The following PDE4D variants were observed in gnomAD, a reference collection of about 807,000 sequenced individuals.
PDE4D encodes phosphodiesterase 4D, also known as 3',5'-cyclic-AMP phosphodiesterase 4D.
A neutral mutation model predicts 87.4 loss-of-function variants in PDE4D; 24 were observed. The ratio of observed to expected loss-of-function variants is 0.27; its 90% CI spans 0.20 to 0.39. The LOEUF is 0.39. Ranked by LOEUF, PDE4D falls within the 10% of genes least tolerant of loss-of-function variation. The pLI is 1.00. For missense variants in PDE4D, 714 were observed against 1,041.0 expected (o/e 0.69, Z 4.32); for synonymous variants, 384 against 383.2 (o/e 1.00, Z -0.02).
chr5:59,625,416 GC>G (rs1251396829), intron 1 of PDE4D, among the ~76,000 whole-genome samples: 1 of 151,868 alleles, frequency 6.6e-6, no homozygotes, highest in African/African-American at 2.4e-5. Flanking sequence ...CAGCTGGTTA[GC>G]ACCTTAATTT....
chr5:60,087,797 A>G (rs1217451979), intron 2 of PDE4D, among the ~76,000 whole-genome samples: 1 of 152,102 alleles, frequency 6.6e-6, no homozygotes, highest in African/African-American at 2.4e-5. Flanking sequence ...TTTCCAACAG[A>G]TATTATGTAA....
chr5:59,073,509 G>GT (rs1765194940), intron 5 of PDE4D, among the ~76,000 whole-genome samples: 1 of 134,626 alleles, frequency 7.4e-6, no homozygotes, highest in African/African-American at 3.1e-5. Flanking sequence ...GTGGGGGGCG[G>GT]GGGGGGCGGG....
chr5:59,554,293 A>G (rs1818559575), intron 1 of PDE4D, among the ~76,000 whole-genome samples: 1 of 152,128 alleles, frequency 6.6e-6, no homozygotes, highest in African/African-American at 2.4e-5. Flanking sequence ...TATATGTATC[A>G]ACTTCTCCTT....
At chr5:59,890,409 C>A (rs1399376522) in intron 1 of PDE4D, among the ~76,000 whole-genome samples, 1 of 152,148 alleles carries the variant, frequency 6.6e-6, no homozygotes, top group Non-Finnish European at 1.5e-5. Flanking sequence ...ACAAAGTCAA[C>A]AAATACACTG....
intron 1 of PDE4D, among the ~76,000 whole-genome samples, chr5:59,572,142 C>T (rs73758809): frequency 0.046 from 7,062 of 152,162 alleles, 552 homozygotes; most frequent in African/African-American, 0.16. Flanking sequence ...CAAATGTCCA[C>T]GTATAGACTC....
At chr5:60,415,815 G>C (rs868663087) in intron 1 of PDE4D, among the ~76,000 whole-genome samples, 18 of 152,388 alleles carry the variant, frequency 1.2e-4, no homozygotes, top group Middle Eastern at 3.4e-3. Context: ...TAGGGCGCGG[G>C]ACTGGCAGGA....
rs1384031234 is a variant in PDE4D at position 59,518,198 on chromosome 5, T to C, written c.456-302230A>G. ...ATATGTATGTACTTGTGTGTTTGTG[T>C]GTGTGTGTGTGTGTGTGTGTGTGTA... On this transcript the variant is annotated intron_variant, in intron 1 of 14. Coordinates refer to ENST00000340635, the MANE Select transcript of PDE4D (RefSeq NM_001104631.2). Among the ~76,000 whole-genome samples the C allele has an allele frequency of 5.3e-3, 461 of 86,786 alleles. 4 individuals are homozygous for C. The highest frequency in any genetic ancestry group is 0.024 in the East Asian group (119 of 4,962). The allele number at this position is 86,786 out of a possible 152,430, so 56.9% of individuals were successfully genotyped here.
chr5:59,080,396 G>A (rs773227926), intron 5 of PDE4D, among the ~76,000 whole-genome samples: 2 of 152,156 alleles, frequency 1.3e-5, no homozygotes, highest in Non-Finnish European at 2.9e-5. Flanking sequence ...ATAATGGCCT[G>A]CTCCTAGAGT....
intron 1 of PDE4D, among the ~76,000 whole-genome samples, chr5:59,519,215 C>T (rs1811743077): frequency 6.6e-6 from 1 of 152,086 alleles, no homozygotes; most frequent in Non-Finnish European, 1.5e-5. Context: ...GAGGATACAA[C>T]AGTGAAAAAA....
At chr5:59,551,826 C>A (rs1016723626) in intron 1 of PDE4D, among the ~76,000 whole-genome samples, 2 of 152,046 alleles carry the variant, frequency 1.3e-5, no homozygotes, top group African/African-American at 4.8e-5. Context: ...TTTTTGTTTT[C>A]TTCACAACAA....
intron 5 of PDE4D, among the ~76,000 whole-genome samples, chr5:59,057,840 T>C (rs1347538259): frequency 6.6e-6 from 1 of 152,166 alleles, no homozygotes; most frequent in Non-Finnish European, 1.5e-5. Context: ...TAAAAGAGTC[T>C]CTAAAACAGC....
intron 1 of PDE4D, among the ~76,000 whole-genome samples, chr5:59,418,279 C>T (rs1793939600): frequency 6.6e-6 from 1 of 152,132 alleles, no homozygotes; most frequent in Admixed American, 6.5e-5. Context: ...TAGTCTCATT[C>T]TCCTTTTCCT....
intron 1 of PDE4D, among the ~76,000 whole-genome samples, chr5:59,816,132 A>G (rs1258050387): frequency 6.6e-6 from 1 of 152,222 alleles, no homozygotes; most frequent in Admixed American, 6.5e-5. Context: ...CTATTCACAC[A>G]TGAAGATGTT....
chr5:59,538,365 A>G lies in PDE4D; in HGVS notation c.456-322397T>C, dbSNP rs1051518109. On this transcript the variant is annotated intron_variant, in intron 1 of 14. Coordinates refer to ENST00000340635, the MANE Select transcript of PDE4D (RefSeq NM_001104631.2). ...CTACTTGGACAACCACAGACTTCTC[A>G]GACCCTACTAGCCCAAATGGAACAC... Among the ~76,000 whole-genome samples the G allele has an allele frequency of 6.6e-5, 10 of 152,172 alleles. No individual in the cohort carries two copies. In the East Asian group the frequency reaches 1.3e-3, roughly 21 times the overall value.
chr5:60,120,052 A>C (rs1407435494), intron 2 of PDE4D, among the ~76,000 whole-genome samples: 3 of 152,250 alleles, frequency 2.0e-5, no homozygotes, highest in African/African-American at 7.2e-5. Context: ...TTACAGGTCT[A>C]AAAGAATAAT....
intron 1 of PDE4D, among the ~76,000 whole-genome samples, chr5:59,769,329 A>C (rs756961113): frequency 2.6e-5 from 4 of 152,234 alleles, no homozygotes; most frequent in Non-Finnish European, 2.9e-5. Flanking sequence ...AACTAACAAC[A>C]CTATTTAGAC....
intron 1 of PDE4D, among the ~76,000 whole-genome samples, chr5:60,260,164 A>G (rs1749500564): frequency 1.3e-5 from 2 of 151,788 alleles, no homozygotes; most frequent in Admixed American, 1.3e-4. Flanking sequence ...TTTTCATGTT[A>G]TATCTGTTAA....
At chr5:59,795,496 CTT>C (rs1431450904) in intron 1 of PDE4D, among the ~76,000 whole-genome samples, 1 of 152,154 alleles carries the variant, frequency 6.6e-6, no homozygotes, top group Non-Finnish European at 1.5e-5. Flanking sequence ...TATGAAATTA[CTT>C]CAGTGAGAAA....
intron 2 of PDE4D, among the ~76,000 whole-genome samples, chr5:60,133,310 C>A (rs1323450402): frequency 6.6e-6 from 1 of 152,046 alleles, no homozygotes; most frequent in African/African-American, 2.4e-5. Context: ...CCACTTATTG[C>A]CGTCAACTTA....
Sources: allele counts gnomAD v4.1 joint callset (sites outside exome capture counted in the v4.1 genomes callset), GRCh38; gene constraint gnomAD v4.1.1; transcripts MANE v1.5; gene names NCBI Gene and HGNC (gene_info 2026-07-23, HGNC 2026-07-21).